The following KCNQ5 variants were observed in gnomAD, a reference collection of about 807,000 sequenced individuals.
KCNQ5 encodes the protein potassium voltage-gated channel subfamily Q member 5.
A neutral mutation model predicts 98.2 loss-of-function variants in KCNQ5; 30 were observed. The observed-to-expected ratio is 0.31, with a 90% confidence interval of 0.23 to 0.41. The LOEUF (loss-of-function observed/expected upper bound fraction) is 0.41. Among genes scored for constraint, KCNQ5 ranks in the 10% least tolerant of loss-of-function variants. The pLI is 1.00. For synonymous variants in KCNQ5, 458 were observed against 449.4 expected (o/e 1.02, Z -0.24); for missense variants, 835 against 1,182.5 (o/e 0.71, Z 4.31).
At chr6:73,133,720 A>G in intron 10 of KCNQ5, 79 bp downstream of exon 10, 1 of 1,216,470 alleles carries the variant, frequency 8.2e-7, no homozygotes, top group South Asian at 1.3e-5. Flanking sequence ...AATTCTCCAT[A>G]GTGCCACTTG....
intron 3 of KCNQ5, among the ~76,000 whole-genome samples, chr6:73,065,232 A>G (rs1242761605): frequency 6.6e-6 from 1 of 152,116 alleles, no homozygotes; most frequent in African/African-American, 2.4e-5. Context: ...TCCCCAGCTT[A>G]GTAAATAGCA....
At chr6:72,786,070 A>G (rs1475960774) in intron 1 of KCNQ5, among the ~76,000 whole-genome samples, 2 of 152,248 alleles carry the variant, frequency 1.3e-5, no homozygotes, top group Admixed American at 6.5e-5. Context: ...AAACCAGTAT[A>G]TGCAAAATAT....
chr6:72,635,931 C>A (rs1191111564), intron 1 of KCNQ5, among the ~76,000 whole-genome samples: 1 of 151,402 alleles, frequency 6.6e-6, no homozygotes, highest in African/African-American at 2.4e-5. Context: ...AGGGGAGAAC[C>A]CTATTTTTCT....
At chr6:73,055,318 G>T (rs1449519019) in intron 3 of KCNQ5, 3 of 1,411,634 alleles carry the variant, frequency 2.1e-6, no homozygotes, top group Non-Finnish European at 3.0e-6. Flanking sequence ...TTGATCAGAT[G>T]TAGCTGCCAA....
At chr6:72,705,590 G>GT (rs758036031) in intron 1 of KCNQ5, among the ~76,000 whole-genome samples, 1,255 of 93,040 alleles carry the variant, frequency 0.013, 12 homozygotes, top group Non-Finnish European at 0.017. Context: ...TGTTGTTTTT[G>GT]TTTTTTTTTT....
chr6:72,671,891 A>T (rs1273116243), intron 1 of KCNQ5, among the ~76,000 whole-genome samples: 6 of 151,804 alleles, frequency 4.0e-5, no homozygotes, highest in Admixed American at 3.9e-4. Context: ...ATCTCGGCTC[A>T]CTGCGAGCTC....
intron 1 of KCNQ5, among the ~76,000 whole-genome samples, chr6:72,868,883 G>A (rs1334186965): frequency 6.6e-6 from 1 of 152,096 alleles, no homozygotes; most frequent in Admixed American, 6.5e-5. Context: ...TGGTTAATGG[G>A]TACAAAAATA....
chr6:72,712,409 T>C (rs892767093), intron 1 of KCNQ5, among the ~76,000 whole-genome samples: 8 of 152,220 alleles, frequency 5.3e-5, no homozygotes, highest in African/African-American at 1.9e-4. Context: ...AGCATATGAA[T>C]GAACACTTCC....
intron 1 of KCNQ5, among the ~76,000 whole-genome samples, chr6:72,883,718 T>C (rs1778740203): frequency 6.6e-6 from 1 of 152,098 alleles, no homozygotes; most frequent in African/African-American, 2.4e-5. Flanking sequence ...CGGAAAATCT[T>C]ATGCTGAAGC....
chr6:72,840,269 G>A (rs1776732289), intron 1 of KCNQ5, among the ~76,000 whole-genome samples: 1 of 152,126 alleles, frequency 6.6e-6, no homozygotes, highest in Non-Finnish European at 1.5e-5. Context: ...CTTTGGATAT[G>A]TACCCAGAAG....
intron 2 of KCNQ5, among the ~76,000 whole-genome samples, chr6:73,022,536 A>G: frequency 6.6e-6 from 1 of 152,072 alleles, no homozygotes; most frequent in Non-Finnish European, 1.5e-5. Flanking sequence ...TTGAGCCCAG[A>G]AGTTCAAGGC....
At chr6:72,791,441 A>G (rs1260390257) in intron 1 of KCNQ5, among the ~76,000 whole-genome samples, 3 of 152,108 alleles carry the variant, frequency 2.0e-5, no homozygotes, top group Non-Finnish European at 4.4e-5. Context: ...CACCCCAAGC[A>G]CACACATGGA....
chr6:73,187,348 C>CTAATA (rs1489526343), intron 11 of KCNQ5, among the ~76,000 whole-genome samples: 1 of 152,184 alleles, frequency 6.6e-6, no homozygotes, highest in Admixed American at 6.5e-5. Flanking sequence ...CGTGAGCCAC[C>CTAATA]ACGCCCGGCC....
chr6:72,816,307 G>A (rs1371584474), intron 1 of KCNQ5, among the ~76,000 whole-genome samples: 2 of 152,194 alleles, frequency 1.3e-5, no homozygotes, highest in African/African-American at 4.8e-5. Context: ...CAGGTGGTGA[G>A]CAAGTAGAAG....
At chr6:72,945,300 C>T (rs1006582781) in intron 1 of KCNQ5, among the ~76,000 whole-genome samples, 12 of 151,792 alleles carry the variant, frequency 7.9e-5, no homozygotes, top group Non-Finnish European at 1.8e-4. Context: ...ATGTGCACAA[C>T]GTGCACGTTA....
At chr6:72,636,545 C>G (rs2098924235) in intron 1 of KCNQ5, among the ~76,000 whole-genome samples, 1 of 152,204 alleles carries the variant, frequency 6.6e-6, no homozygotes, top group Non-Finnish European at 1.5e-5. Context: ...TTCTCTCACA[C>G]CTGAATGAAT....
chr6:73,190,041 G>A (rs1337228667), intron 11 of KCNQ5, among the ~76,000 whole-genome samples: 3 of 150,742 alleles, frequency 2.0e-5, no homozygotes, highest in Non-Finnish European at 4.4e-5. Flanking sequence ...AAAGAACTTG[G>A]CTAGCTAATC....
chr6:72,986,082 T>C (rs1282740749), intron 1 of KCNQ5, among the ~76,000 whole-genome samples: 1 of 151,952 alleles, frequency 6.6e-6, no homozygotes, highest in African/African-American at 2.4e-5. Flanking sequence ...TACAAAAAAT[T>C]AGCCGGGCCT....
chr6:72,913,987 T>TCC (rs936900588), intron 1 of KCNQ5, among the ~76,000 whole-genome samples: 48 of 152,326 alleles, frequency 3.2e-4, no homozygotes, highest in African/African-American at 1.1e-3. Context: ...TCATCAAAGA[T>TCC]AAGGATGTTC....
Sources: gnomAD v4.1 joint callset for allele counts (sites outside exome capture counted in the v4.1 genomes callset) on GRCh38, gnomAD v4.1.1 for gene constraint, MANE v1.5 for transcripts, NCBI Gene and HGNC (gene_info 2026-07-23, HGNC 2026-07-21) for gene names.